Variants in ASIC2 observed in about 807,000 individuals in gnomAD.
ASIC2 encodes acid sensing ion channel subunit 2.
A neutral mutation model predicts 57.3 loss-of-function variants in ASIC2; 25 were observed. The observed-to-expected ratio is 0.44, with a 90% CI of 0.32 to 0.61. ASIC2 has a LOEUF of 0.61. Ranked by LOEUF, ASIC2 falls within the 20% of genes least tolerant of loss-of-function variation. ASIC2 has a pLI of 0.06. For synonymous variants in ASIC2, 319 were observed against 307.5 expected, an observed-to-expected ratio of 1.04 and a Z score of -0.39; for missense variants, 641 against 738.1, an observed-to-expected ratio of 0.87 and a Z score of 1.52.
intron 1 of ASIC2, among the ~76,000 whole-genome samples, chr17:34,033,639 A>G (rs958457954): frequency 2.0e-5 from 3 of 152,210 alleles, no homozygotes; most frequent in African/African-American, 7.2e-5. Context: ...AGAAGAAAAG[A>G]GAGAAGAATC....
intron 1 of ASIC2, among the ~76,000 whole-genome samples, chr17:33,987,530 G>A (rs1597963651): frequency 6.6e-6 from 1 of 152,144 alleles, no homozygotes; most frequent in East Asian, 1.9e-4. Flanking sequence ...GAAATCTGGG[G>A]AACCTGAGAT....
At chr17:34,039,278 T>C (rs1481251494) in intron 1 of ASIC2, 1 of 1,613,862 alleles carries the variant, frequency 6.2e-7, no homozygotes, top group Non-Finnish European at 8.5e-7. Context: ...GAGATCTGTT[T>C]TTGGGAGCTG....
intron 1 of ASIC2, among the ~76,000 whole-genome samples, chr17:33,359,170 G>C (rs994060606): frequency 6.6e-6 from 1 of 152,218 alleles, no homozygotes; most frequent in African/African-American, 2.4e-5. Flanking sequence ...AGGTGAGCCA[G>C]CCAGAGCAAG....
intron 3 of ASIC2, among the ~76,000 whole-genome samples, chr17:33,040,887 T>G (rs953137728): frequency 1.6e-4 from 24 of 152,264 alleles, no homozygotes; most frequent in African/African-American, 5.5e-4. Flanking sequence ...GTTACCTTGT[T>G]GGGGGCCTCA....
Position 33,112,007 on chromosome 17 carries a change from G to C in ASIC2, c.769C>G (p.Leu257Val). The part of the protein sequence containing the change: ...FNSGEDGKPL[L>V]TTVKGGTGNG... ...CCTGTCCCCCCCTTGACCGTGGTGA[G>C]CAGAGGTTTGCCATCCTCGCCTGAG... The change falls in exon 2 of 10, where the codon CTC (leucine) becomes GTC (valine). Residue 257 changes from leucine (L) to valine (V), a missense_variant. By Grantham distance (32) the Leu-to-Val change is conservative (BLOSUM62 1). Around this residue, in one of 3 missense-constraint regions of ASIC2, gnomAD observed 382 missense variants for 398.0 expected, o/e 0.96. Transcript: ENST00000225823. The C allele has an allele frequency of 1.2e-6, 2 of 1,614,050 alleles. No homozygotes were observed. The highest frequency in any genetic ancestry group is 1.7e-6 in the Non-Finnish European group (2 of 1,179,990).
intron 1 of ASIC2, among the ~76,000 whole-genome samples, chr17:33,907,638 C>G (rs577771510): frequency 6.6e-6 from 1 of 152,100 alleles, no homozygotes; most frequent in African/African-American, 2.4e-5. Flanking sequence ...TTCTGGAATT[C>G]TTTTCTTTCT....
At chr17:34,009,080 T>A (rs1175789310) in intron 1 of ASIC2, among the ~76,000 whole-genome samples, 1 of 152,188 alleles carries the variant, frequency 6.6e-6, no homozygotes, top group African/African-American at 2.4e-5. Context: ...GTCCACCTTT[T>A]TTTTTTTCCC....
chr17:33,129,877 A>G (rs1020346164), intron 1 of ASIC2, among the ~76,000 whole-genome samples: 4 of 152,150 alleles, frequency 2.6e-5, no homozygotes, highest in Non-Finnish European at 5.9e-5. Context: ...TGAAAATGCT[A>G]TGTAAACTGC....
intron 1 of ASIC2, among the ~76,000 whole-genome samples, chr17:33,934,031 G>A (rs1916004382): frequency 2.0e-5 from 3 of 152,176 alleles, no homozygotes; most frequent in African/African-American, 7.2e-5. Flanking sequence ...TGTAGTTGAT[G>A]TTTTTCAGAC....
intron 1 of ASIC2, among the ~76,000 whole-genome samples, chr17:33,710,259 T>C (rs959409827): frequency 3.9e-5 from 6 of 152,218 alleles, no homozygotes; most frequent in Non-Finnish European, 5.9e-5. Context: ...GAAGCTCCAT[T>C]TATCCATTCA....
At chr17:33,947,441 G>A (rs1465869110) in intron 1 of ASIC2, among the ~76,000 whole-genome samples, 1 of 152,214 alleles carries the variant, frequency 6.6e-6, no homozygotes, top group African/African-American at 2.4e-5. Flanking sequence ...TAAGACTCAT[G>A]TACAAGGTGC....
At chr17:33,150,068 A>G (rs1052048376) in intron 1 of ASIC2, among the ~76,000 whole-genome samples, 15 of 152,196 alleles carry the variant, frequency 9.9e-5, no homozygotes, top group African/African-American at 3.4e-4. Context: ...GGTATTAATG[A>G]ATTTCTTACT....
At chr17:33,345,273 T>C (rs1361306171) in intron 1 of ASIC2, among the ~76,000 whole-genome samples, 1 of 152,198 alleles carries the variant, frequency 6.6e-6, no homozygotes, top group Non-Finnish European at 1.5e-5. Flanking sequence ...ATTTCTCCAA[T>C]AAATATTTAT....
At chr17:33,810,573 T>C (rs1912389891) in intron 1 of ASIC2, among the ~76,000 whole-genome samples, 1 of 152,162 alleles carries the variant, frequency 6.6e-6, no homozygotes, top group Non-Finnish European at 1.5e-5. Context: ...CATTTGATTC[T>C]CACAATAGCT....
intron 1 of ASIC2, among the ~76,000 whole-genome samples, chr17:33,361,630 G>A (rs2141931464): frequency 6.6e-6 from 1 of 152,230 alleles, no homozygotes; most frequent in African/African-American, 2.4e-5. Flanking sequence ...AAGAAAGCAG[G>A]GCCAGGATGA....
intron 1 of ASIC2, among the ~76,000 whole-genome samples, chr17:33,878,302 AC>A (rs1914605858): frequency 6.6e-6 from 1 of 152,220 alleles, no homozygotes; most frequent in Non-Finnish European, 1.5e-5. Context: ...AGATGATCAA[AC>A]TACTCTGAGC....
intron 1 of ASIC2, among the ~76,000 whole-genome samples, chr17:33,357,737 G>A (rs370877497): frequency 6.6e-6 from 1 of 152,148 alleles, no homozygotes. Context: ...GTATGTATGT[G>A]GAGGAGAGTC....
At chr17:33,479,966 C>T (rs1029759454) in intron 1 of ASIC2, among the ~76,000 whole-genome samples, 1 of 152,198 alleles carries the variant, frequency 6.6e-6, no homozygotes, top group African/African-American at 2.4e-5. Context: ...TCCCCTGAGG[C>T]CCCTCCTTCC....
intron 1 of ASIC2, among the ~76,000 whole-genome samples, chr17:33,689,667 C>T (rs2142062839): frequency 6.6e-6 from 1 of 152,274 alleles, no homozygotes; most frequent in Non-Finnish European, 1.5e-5. Flanking sequence ...GTATATATTA[C>T]CTTATTTGGA....
Sources: gnomAD v4.1 joint callset for allele counts (sites outside exome capture counted in the v4.1 genomes callset) on GRCh38, gnomAD v4.1.1 for gene constraint, gnomAD v4.1.1 regional missense constraint, MANE v1.5 for transcripts, NCBI Gene and HGNC (gene_info 2026-07-23, HGNC 2026-07-21) for gene names.